Variants in STS observed in about 807,000 individuals in gnomAD.
STS encodes steroid sulfatase.
In STS, 7 loss-of-function variants were observed where a neutral mutation model predicts 26.8. That is an observed-to-expected ratio of 0.26 (90% confidence interval 0.15 to 0.49). The LOEUF (loss-of-function observed/expected upper bound fraction) is 0.49. Ranked by LOEUF, STS falls within the 20% of genes least tolerant of loss-of-function variation. The probability of loss-of-function intolerance (pLI) is 0.98; values close to 1 mark genes in which losing one functional copy is unlikely to be tolerated. For synonymous variants in STS, 199 were observed against 189.4 expected (o/e 1.05, Z -0.42); for missense variants, 434 against 465.6 (o/e 0.93, Z 0.63).
intron 2 of STS, among the ~76,000 whole-genome samples, chrX:7,226,822 G>C (rs1407514177): frequency 9.0e-6 from 1 of 111,713 alleles, no homozygotes; most frequent in East Asian, 2.8e-4. Flanking sequence ...TTCAACCCAG[G>C]AGGTCAATGC....
intron 8 of STS, among the ~76,000 whole-genome samples, chrX:7,318,333 G>A (rs1302004734): frequency 9.0e-6 from 1 of 110,834 alleles, no homozygotes; most frequent in Non-Finnish European, 1.9e-5. Flanking sequence ...GGCGCATCTC[G>A]CTTTCCACAC....
At chrX:7,324,942 G>C (rs1326060567) in intron 8 of STS, among the ~76,000 whole-genome samples, 4 of 111,309 alleles carry the variant, frequency 3.6e-5, no homozygotes, top group African/African-American at 9.8e-5. Context: ...CAGGCTCCAG[G>C]CTCCAGGAAT....
chrX:7,181,077 T>C (rs962513145), intron 1 of STS, among the ~76,000 whole-genome samples: 6 of 112,320 alleles, frequency 5.3e-5, no homozygotes, highest in Admixed American at 9.5e-5. Flanking sequence ...CCAGGGAATA[T>C]GGATGCTATT....
chrX:7,293,886 T>C (rs1417560178), intron 7 of STS, among the ~76,000 whole-genome samples: 1 of 111,045 alleles, frequency 9.0e-6, no homozygotes, highest in Non-Finnish European at 1.9e-5. Context: ...AGACCAGGTG[T>C]TTGAGGCTAC....
At chrX:7,302,546 A>G (rs1219670660) in intron 7 of STS, among the ~76,000 whole-genome samples, 4 of 111,712 alleles carry the variant, frequency 3.6e-5, no homozygotes, top group Admixed American at 9.5e-5. Flanking sequence ...ATTTACATAT[A>G]TGGTGTGGGT....
intron 7 of STS, among the ~76,000 whole-genome samples, chrX:7,288,111 G>C (rs1362878854): frequency 9.3e-6 from 1 of 107,597 alleles, no homozygotes; most frequent in Admixed American, 1.0e-4. Context: ...TATATGATAA[G>C]AACATTAATA....
intron 7 of STS, among the ~76,000 whole-genome samples, chrX:7,302,685 A>T (rs1323155032): frequency 7.1e-5 from 8 of 111,949 alleles, no homozygotes; most frequent in Non-Finnish European, 1.9e-5. Context: ...TTGCATCAGA[A>T]ATCATCTCTG....
chrX:7,335,967 T>C (rs1255492225), intron 10 of STS, among the ~76,000 whole-genome samples: 1 of 111,848 alleles, frequency 8.9e-6, no homozygotes, highest in Non-Finnish European at 1.9e-5. Flanking sequence ...CATTGGTCTA[T>C]GTCTCTGTTT....
chrX:7,233,156 C>T (rs1293767787), intron 2 of STS, among the ~76,000 whole-genome samples: 6 of 96,363 alleles, frequency 6.2e-5, no homozygotes, highest in Admixed American at 1.3e-4. Flanking sequence ...TGTAATGGCG[C>T]GATCTTGGCT....
chrX:7,286,081 T>A (rs1324002808), intron 7 of STS, among the ~76,000 whole-genome samples: 1 of 112,383 alleles, frequency 8.9e-6, no homozygotes, highest in East Asian at 2.8e-4. Context: ...TTTTTCTTCA[T>A]TGGAAATCCC....
chrX:7,148,121 C>T, intron 1 of STS, 38 bp downstream of exon 1: 1 of 1,120,692 alleles, frequency 8.9e-7, no homozygotes, highest in Non-Finnish European at 1.2e-6. Flanking sequence ...CATGGTGGCG[C>T]CTTCTGGGTC....
At chrX:7,341,645 A>G (rs1249010880) in intron 10 of STS, among the ~76,000 whole-genome samples, 6 of 111,728 alleles carry the variant, frequency 5.4e-5, no homozygotes, top group Non-Finnish European at 1.1e-4. Context: ...GTGCAGAGCC[A>G]TTGTGTGATT....
At chrX:7,339,871 A>G (rs10521601) in intron 10 of STS, among the ~76,000 whole-genome samples, 4,155 of 110,891 alleles carry the variant, frequency 0.037, 182 homozygotes, top group African/African-American at 0.13. Context: ...CCTTATAGAC[A>G]GTATCAGACA....
intron 2 of STS, among the ~76,000 whole-genome samples, chrX:7,204,710 C>A (rs757270010): frequency 9.9e-6 from 1 of 101,307 alleles, no homozygotes; most frequent in Non-Finnish European, 2.0e-5. Flanking sequence ...TTCTTTCATT[C>A]CTTCATTTTT....
intron 1 of STS, among the ~76,000 whole-genome samples, chrX:7,181,907 GAAAC>G (rs1178149083): frequency 9.0e-6 from 1 of 111,103 alleles, no homozygotes; most frequent in African/African-American, 3.3e-5. Context: ...GCAATATGAT[GAAAC>G]AAACAAACAA....
At chrX:7,243,390 A>G (rs1922712233) in intron 2 of STS, among the ~76,000 whole-genome samples, 1 of 111,879 alleles carries the variant, frequency 8.9e-6, no homozygotes, top group Non-Finnish European at 1.9e-5. Context: ...TATCGCTAGT[A>G]TCCTGAGTAA....
chrX:7,265,798 T>A (rs1371173752), intron 6 of STS, among the ~76,000 whole-genome samples: 7 of 112,131 alleles, frequency 6.2e-5, no homozygotes, highest in African/African-American at 2.3e-4. Flanking sequence ...TAAAGCACAT[T>A]GTTACAATCA....
At position 7,238,172 on chromosome X, in the gene STS, C is replaced by T. The variant is rs1922414895; in HGVS notation, c.-4-15024C>T. Among the ~76,000 whole-genome samples, 3 of 80,924 alleles carry T rather than the reference C, an allele frequency of 3.7e-5. No individual in the cohort carries two copies. The South Asian group carries it at 2.1e-3, about 56-fold the overall frequency. 70.3% of individuals were successfully genotyped at this position (80,924 alleles called of 115,157 possible). A position where few individuals can be genotyped will look rare whatever the true frequency, so the allele number is the denominator to read the frequency against. On this transcript the variant is annotated intron_variant, in intron 2 of 10. Transcript: ENST00000674429. ...TGTGTGTGTGTGTGTACACACAATG[C>T]GTGGTGTAGATAGATAGATAGATAG...
chrX:7,270,935 A>G (rs749152476), intron 6 of STS, among the ~76,000 whole-genome samples: 2 of 109,916 alleles, frequency 1.8e-5, no homozygotes, highest in African/African-American at 6.6e-5. Context: ...ACATTTTAAT[A>G]TGCCACAATT....
Sources: allele counts gnomAD v4.1 joint callset (sites outside exome capture counted in the v4.1 genomes callset), GRCh38; gene constraint gnomAD v4.1.1; transcripts MANE v1.5; gene names NCBI Gene and HGNC (gene_info 2026-07-23, HGNC 2026-07-21).